VWDE: variants seen among roughly 807,000 people sequenced by gnomAD.
VWDE encodes von Willebrand factor D and EGF domains, also known as von Willebrand factor D and EGF domain-containing protein.
A neutral mutation model predicts 178.4 loss-of-function variants in VWDE; 207 were observed. The observed-to-expected ratio is 1.16, with a 90% CI of 1.04 to 1.30. The LOEUF is 1.30. Ranked by LOEUF, VWDE falls within the 50% of genes most tolerant of loss-of-function variation. VWDE has a pLI of 0.00. For synonymous variants in VWDE, 738 were observed against 651.4 expected, an observed-to-expected ratio of 1.13 and a Z score of -2.02; for missense variants, 2,287 against 1,901.3, an observed-to-expected ratio of 1.20 and a Z score of -3.77.
chr7:12,362,264 G>A (rs1246051731), intron 13 of VWDE, among the ~76,000 whole-genome samples: 1 of 151,540 alleles, frequency 6.6e-6, no homozygotes, highest in Non-Finnish European at 1.5e-5. Flanking sequence ...CACACATACT[G>A]AGTCTTCATG....
At chr7:12,337,130 G>T in intron 25 of VWDE, 47 bp from the exon 26 acceptor site, 1 of 1,551,200 alleles carries the variant, frequency 6.4e-7, no homozygotes, top group Admixed American at 2.0e-5. Flanking sequence ...CAACAGTTTT[G>T]TCTTGGCTTT....
chr7:12,359,693 C>A lies in VWDE; in HGVS notation c.3160-1G>T. 6.6e-7 allele frequency: 1 copy of A among 1,525,062 alleles called. No homozygotes were observed. The highest frequency in any genetic ancestry group is 8.8e-7 in the Non-Finnish European group (1 of 1,133,618). The allele number at this position is 1,525,062 out of a possible 1,614,324, so 94.5% of individuals were successfully genotyped here. ...GTCCATCAATAATGCAAACATTTTC[C>A]TAATGGAAAATTTTTAAAAAAGAAA... is the stretch of plus-strand genomic sequence containing the variant. On this transcript the variant is annotated splice_acceptor_variant, in intron 15 of 28. Coordinates refer to ENST00000275358, the MANE Select transcript of VWDE (RefSeq NM_001135924.3). LOFTEE classifies it high-confidence loss of function.
At chr7:12,343,599 A>G (rs1388822731) in intron 21 of VWDE, among the ~76,000 whole-genome samples, 1 of 152,188 alleles carries the variant, frequency 6.6e-6, no homozygotes, top group South Asian at 2.1e-4. Context: ...AACATTTAAC[A>G]TGGCTCTCAG....
At chr7:12,377,559 T>G (rs1411649711) in intron 7 of VWDE, 1 of 349,278 alleles carries the variant, frequency 2.9e-6, no homozygotes, top group Non-Finnish European at 5.1e-6. Context: ...TTTTTTTCTT[T>G]TTTTAAAATG....
intron 5 of VWDE, 97 bp from the exon 6 acceptor site, chr7:12,379,663 A>T: frequency 1.3e-6 from 1 of 774,614 alleles, no homozygotes; most frequent in Non-Finnish European, 2.0e-6. Flanking sequence ...TTCTTCATAG[A>T]TAGTATATAA....
chr7:12,390,441 T>C (rs1484159533), intron 2 of VWDE, among the ~76,000 whole-genome samples: 1 of 151,916 alleles, frequency 6.6e-6, no homozygotes, highest in Non-Finnish European at 1.5e-5. Context: ...AACTTCTACA[T>C]AGTAATGGCT....
At position 12,375,138 on chromosome 7, in the gene VWDE, G is replaced by C. The variant is rs1009887503; in HGVS notation, c.1114C>G (p.His372Asp). The C allele has an allele frequency of 6.4e-7, 1 of 1,551,084 alleles. No homozygotes were observed. The highest frequency in any genetic ancestry group is 1.4e-5 in the African/African-American group (1 of 73,006). Residue 372 changes from histidine (H) to aspartate (D), a missense_variant, in exon 8 of 29, where the codon CAC (histidine) becomes GAC (aspartate). By Grantham distance (81) the His-to-Asp change is moderately conservative. Transcript: ENST00000275358. ...ACAGCAGTGTAGTACACAAAAGTGTGGCTACAGGTTCCATTAGCACAGGAA... is the reference window on the plus strand; with the variant it reads ...ACAGCAGTGTAGTACACAAAAGTGTCGCTACAGGTTCCATTAGCACAGGAA... ...TSSCANGTCS[H>D]TFVYYTAVTD... is the part of the protein sequence containing the mutation.
rs150136400 is a variant in VWDE at position 12,387,584 on chromosome 7, T to C, written c.475+1543A>G. Among the ~76,000 whole-genome samples the C allele has an allele frequency of 9.4e-3, 1,428 of 151,688 alleles. 29 individuals are homozygous for C. Among genetic ancestry groups the C allele is most frequent in the African/African-American group, 0.032 (1,320 of 41,200 alleles). On this transcript the variant is annotated intron_variant, in intron 3 of 28. Coordinates refer to ENST00000275358, the MANE Select transcript of VWDE (RefSeq NM_001135924.3). ...TTATGTGTATACACACACACACACA[T>C]ATATATATAAATATATTGGTTTATT... is the stretch of plus-strand genomic sequence containing the variant.
Position 12,369,554 on chromosome 7 carries a change from C to A in VWDE, c.2752G>T (p.Asp918Tyr). Reference protein sequence around the residue: ...SPSFSSYDCSDSYDKAPEITE... With the variant: ...SPSFSSYDCSYSYDKAPEITE... ...GAGAGTACTTACTTACCATAGGAAT[C>A]ACTGCAGTCATAGGAACTAAAGCTT... Residue 918 changes from aspartate (D) to tyrosine (Y), a missense_variant, in exon 12 of 29, where the codon GAT becomes TAT. Transcript: ENST00000275358. The A allele has an allele frequency of 6.5e-7, 1 of 1,529,288 alleles. No homozygotes were observed. Among genetic ancestry groups the A allele is most frequent in the South Asian group, 1.2e-5 (1 of 81,740 alleles). The allele number at this position is 1,529,288 out of a possible 1,614,324, so 94.7% of individuals were successfully genotyped here. A position where few individuals can be genotyped will look rare whatever the true frequency, so the allele number is the denominator to read the frequency against.
At chr7:12,388,014 C>G (rs1050321365) in intron 3 of VWDE, among the ~76,000 whole-genome samples, 2 of 152,158 alleles carry the variant, frequency 1.3e-5, no homozygotes, top group African/African-American at 2.4e-5. Flanking sequence ...AATAAATAAA[C>G]TGAAGACTGT....
chr7:12,359,872 C>T (rs1583302549), intron 15 of VWDE, among the ~76,000 whole-genome samples, 180 bp from the exon 16 acceptor site: 1 of 152,020 alleles, frequency 6.6e-6, no homozygotes, highest in Non-Finnish European at 1.5e-5. Flanking sequence ...TAAATGTCTA[C>T]AAAACTGATC....
chr7:12,371,112 T>G (rs1391913759), intron 10 of VWDE, among the ~76,000 whole-genome samples: 1 of 152,158 alleles, frequency 6.6e-6, no homozygotes, highest in Non-Finnish European at 1.5e-5. Flanking sequence ...TGCTTGCAAC[T>G]TCTTTAAATA....
chr7:12,347,629 G>A (rs1001373020), intron 19 of VWDE, among the ~76,000 whole-genome samples: 2 of 151,944 alleles, frequency 1.3e-5, no homozygotes, highest in African/African-American at 2.4e-5. Flanking sequence ...ATATTTAATC[G>A]TGAAAATGGC....
At chr7:12,343,486 A>G (rs1414042049) in intron 21 of VWDE, among the ~76,000 whole-genome samples, 3 of 152,184 alleles carry the variant, frequency 2.0e-5, no homozygotes, top group Non-Finnish European at 4.4e-5. Context: ...GAGCTTTTCT[A>G]TAGTTCCATA....
chr7:12,346,571 T>C (rs1781610287), intron 19 of VWDE, among the ~76,000 whole-genome samples: 1 of 151,342 alleles, frequency 6.6e-6, no homozygotes, highest in Non-Finnish European at 1.5e-5. Flanking sequence ...CCATCTTTCT[T>C]GACTGCTCAG....
intron 13 of VWDE, among the ~76,000 whole-genome samples, chr7:12,366,064 CCT>C (rs1381431617): frequency 5.4e-4 from 82 of 152,016 alleles, no homozygotes; most frequent in Non-Finnish European, 2.9e-5. Flanking sequence ...CTCTTAACTC[CCT>C]CTCACCTGCC....
At chr7:12,382,491 G>C (rs1022330849) in intron 4 of VWDE, among the ~76,000 whole-genome samples, 1 of 151,778 alleles carries the variant, frequency 6.6e-6, no homozygotes, top group Non-Finnish European at 1.5e-5. Flanking sequence ...GCATGAAATA[G>C]AGCATGAAAA....
rs537817252 is a variant in VWDE at position 12,391,560 on chromosome 7, G to A, written c.243+2034C>T. Among the ~76,000 whole-genome samples, 3 of 152,290 alleles carry A rather than the reference G, an allele frequency of 2.0e-5. No individual in the cohort carries two copies. In the South Asian group the frequency reaches 6.2e-4, roughly 32 times the overall value. Reference sequence around the variant, plus strand: ...AAAAACACAAATATTTTTAAATGTGGTGAAGTTCCTCCAATTTTCTCAAGC... The same window carrying A: ...AAAAACACAAATATTTTTAAATGTGATGAAGTTCCTCCAATTTTCTCAAGC... On this transcript the variant is annotated intron_variant, in intron 2 of 28. Coordinates refer to ENST00000275358, the MANE Select transcript of VWDE (RefSeq NM_001135924.3).
rs1166049685 is a variant in VWDE, at chr7:12,356,245, C to A, written c.3611G>T (p.Cys1204Phe). Residue 1204 changes from cysteine to phenylalanine, a missense_variant, in exon 18 of 29, where the codon TGT (cysteine) becomes TTT (phenylalanine). Cys to Phe is a radical substitution (Grantham distance 205, BLOSUM62 -2). Coordinates refer to ENST00000275358, the MANE Select transcript of VWDE (RefSeq NM_001135924.3). ...NFSPGSGVYL[C>F]VCLPGFHGSL... ...GCCATGGAAGCCAGGCAAGCAGACA[C>A]ACAGGTACACTCCACTCCCTGGAGA... 1.3e-6 allele frequency: 2 copies of A among 1,551,566 alleles called. No homozygotes were observed. The highest frequency in any genetic ancestry group is 3.9e-5 in the Admixed American group (2 of 50,992).
Sources: gnomAD v4.1 joint callset for allele counts (sites outside exome capture counted in the v4.1 genomes callset) on GRCh38, gnomAD v4.1.1 for gene constraint, MANE v1.5 for transcripts, NCBI Gene and HGNC (gene_info 2026-07-23, HGNC 2026-07-21) for gene names.